PRPSAP1: variants seen among roughly 807,000 people sequenced by gnomAD.
PRPSAP1 encodes the protein phosphoribosyl pyrophosphate synthase-associated protein 1.
Under a neutral mutation model 39.4 loss-of-function variants are expected in PRPSAP1, and 31 were observed. The ratio of observed to expected loss-of-function variants is 0.79; its 90% CI spans 0.59 to 1.06. The LOEUF (loss-of-function observed/expected upper bound fraction) is 1.06. Ranked by LOEUF, PRPSAP1 falls within the 50% of genes least tolerant of loss-of-function variation. PRPSAP1 has a pLI of 0.00. For missense variants in PRPSAP1, 430 were observed against 511.6 expected, an observed-to-expected ratio of 0.84 and a Z score of 1.54; for synonymous variants, 212 against 192.6, an observed-to-expected ratio of 1.10 and a Z score of -0.83.
intron 7 of PRPSAP1, among the ~76,000 whole-genome samples, chr17:76,321,119 T>C (rs754906382): frequency 6.6e-6 from 1 of 152,148 alleles, no homozygotes; most frequent in East Asian, 1.9e-4. Flanking sequence ...GCTCGTTTCA[T>C]GTTTCTGTGT....
chr17:76,317,281 T>G (rs1040614000), intron 7 of PRPSAP1, among the ~76,000 whole-genome samples: 1 of 150,970 alleles, frequency 6.6e-6, no homozygotes, highest in Non-Finnish European at 1.5e-5. Flanking sequence ...GCCCGGGAGG[T>G]GGAGGTTGCA....
rs1041502944 is a variant in PRPSAP1 at position 76,313,701 on chromosome 17, GAGAA to G, written c.852+116_852+119del. ...CCACTTGGCACAAGGGAGTTTGGGT[GAGAA>G]AGGATACATGGATCCATTCGGATCA... On this transcript the variant is annotated intron_variant, in intron 8 of 9. Coordinates refer to ENST00000446526, the MANE Select transcript of PRPSAP1 (RefSeq NM_002766.3). 3.0e-5 allele frequency: 33 copies of G among 1,116,460 alleles called. No individual in the cohort carries two copies. In the Admixed American group the frequency reaches 5.7e-4, roughly 19 times the overall value. 69.2% of individuals were successfully genotyped at this position (1,116,460 alleles called of 1,614,324 possible). A position where few individuals can be genotyped will look rare whatever the true frequency, so the allele number is the denominator to read the frequency against.
At chr17:76,327,523 C>T (rs1041128232) in intron 7 of PRPSAP1, among the ~76,000 whole-genome samples, 73 of 151,322 alleles carry the variant, frequency 4.8e-4, no homozygotes, top group Admixed American at 4.2e-3. Flanking sequence ...CGTGTTGGCG[C>T]GCACCTATAG....
intron 7 of PRPSAP1, among the ~76,000 whole-genome samples, chr17:76,320,337 G>A (rs143625835): frequency 1.1e-5 from 1 of 93,248 alleles, no homozygotes; most frequent in African/African-American, 8.2e-5. Context: ...GGGAGGGAGG[G>A]AGGGAGGAAG....
intron 3 of PRPSAP1, among the ~76,000 whole-genome samples, chr17:76,339,999 C>A (rs2071418413): frequency 6.6e-6 from 1 of 151,330 alleles, no homozygotes; most frequent in South Asian, 2.1e-4. Context: ...TGCATGGTGG[C>A]ATGTGCCTGT....
chr17:76,344,805 C>T (rs1252943660), intron 2 of PRPSAP1, 68 bp from the exon 3 acceptor site: 8 of 1,271,910 alleles, frequency 6.3e-6, no homozygotes, highest in Non-Finnish European at 8.9e-6. Context: ...AAAAGAAAAA[C>T]AAAAGTACTT....
rs1200754210 is a variant in PRPSAP1, at chr17:76,309,498, C to T, written c.*2044G>A. ...ATGACTTCCCCATACAAGATTCTTC[C>T]CAAAAACGTATAAATAAAACTTCCT... On this transcript the variant is annotated 3_prime_UTR_variant, in exon 10 of 10. Coordinates refer to ENST00000446526, the MANE Select transcript of PRPSAP1 (RefSeq NM_002766.3). 6.6e-6 allele frequency: 1 copy of T among 152,052 alleles called. No homozygotes were observed. Among genetic ancestry groups the T allele is most frequent in the East Asian group, 1.9e-4 (1 of 5,200 alleles). The allele number at this position is 152,052 out of a possible 1,614,324, so 9.4% of individuals were successfully genotyped here. A position where few individuals can be genotyped will look rare whatever the true frequency, so the allele number is the denominator to read the frequency against.
At chr17:76,340,107 C>T (rs1053640154) in intron 3 of PRPSAP1, among the ~76,000 whole-genome samples, 1 of 146,230 alleles carries the variant, frequency 6.8e-6, no homozygotes, top group Non-Finnish European at 1.5e-5. Flanking sequence ...GATCGTGCCA[C>T]TGCACTCCAG....
In PRPSAP1 at chr17:76,345,237, T is replaced by TAAAAAAAAA. The variant is rs59693380; in HGVS notation, c.224-509_224-501dup. On this transcript the variant is annotated intron_variant, in intron 2 of 9. Coordinates refer to ENST00000446526, the MANE Select transcript of PRPSAP1 (RefSeq NM_002766.3). ...GTGACAGAGCAAGATTCCGTCTCAT[T>TAAAAAAAAA]AAAAAAAAAAAAAAAAAAGAGTTCT... Among the ~76,000 whole-genome samples, 256 of 62,168 alleles carry TAAAAAAAAA rather than the reference T, an allele frequency of 4.1e-3. 4 individuals are homozygous for TAAAAAAAAA. Among genetic ancestry groups the TAAAAAAAAA allele is most frequent in the African/African-American group, 0.013 (242 of 18,686 alleles). The allele number at this position is 62,168 out of a possible 152,430, so 40.8% of individuals were successfully genotyped here.
chr17:76,316,200 AAAAG>A (rs1031309102), intron 7 of PRPSAP1, among the ~76,000 whole-genome samples: 1 of 151,584 alleles, frequency 6.6e-6, no homozygotes, highest in Non-Finnish European at 1.5e-5. Flanking sequence ...AAGAAAAAAA[AAAAG>A]AAAGATTGCA....
At chr17:76,336,960 C>T (rs75204501) in intron 3 of PRPSAP1, among the ~76,000 whole-genome samples, 1,652 of 152,162 alleles carry the variant, frequency 0.011, 33 homozygotes, top group African/African-American at 0.038. Flanking sequence ...ACTAGCAGGG[C>T]GAAGGGAAAT....
intron 3 of PRPSAP1, among the ~76,000 whole-genome samples, chr17:76,337,755 G>A (rs930659038): frequency 6.6e-6 from 1 of 152,108 alleles, no homozygotes; most frequent in Non-Finnish European, 1.5e-5. Flanking sequence ...ACAGGCACCT[G>A]CCACCATGCC....
intron 7 of PRPSAP1, among the ~76,000 whole-genome samples, chr17:76,324,250 T>C (rs143268847): frequency 1.9e-4 from 29 of 152,180 alleles, no homozygotes; most frequent in African/African-American, 7.0e-4. Context: ...ACATGTGAGA[T>C]GTGCCATCCT....
intron 8 of PRPSAP1, chr17:76,313,274 A>C: frequency 2.8e-6 from 1 of 361,400 alleles, no homozygotes; most frequent in Non-Finnish European, 5.0e-6. Flanking sequence ...GCCAACACTC[A>C]TTTTCCTGTC....
Position 76,311,075 on chromosome 17 carries a change from A to G in PRPSAP1, c.*467T>C, listed in dbSNP as rs1335094704. ...GGCTGTAGGCATAACAATTTCTGAA[A>G]GAAAAATACGATTCTCTATAAAAGA... On this transcript the variant is annotated 3_prime_UTR_variant, in exon 10 of 10. Coordinates refer to ENST00000446526, the MANE Select transcript of PRPSAP1 (RefSeq NM_002766.3). The G allele has an allele frequency of 6.6e-6, 1 of 152,460 alleles. No homozygotes were observed. The highest frequency in any genetic ancestry group is 1.5e-5 in the Non-Finnish European group (1 of 68,220). The allele number at this position is 152,460 out of a possible 1,614,324, so 9.4% of individuals were successfully genotyped here.
intron 7 of PRPSAP1, among the ~76,000 whole-genome samples, chr17:76,320,345 A>G (rs868522153): frequency 1.5e-4 from 12 of 79,612 alleles, no homozygotes; most frequent in South Asian, 1.3e-3. Context: ...GGGAGGGAGG[A>G]AGGAAGGAAG....
chr17:76,318,010 G>A (rs906846454), intron 7 of PRPSAP1, among the ~76,000 whole-genome samples: 2 of 152,130 alleles, frequency 1.3e-5, no homozygotes, highest in African/African-American at 2.4e-5. Context: ...TCACACTGCA[G>A]GATGCTAAGC....
intron 3 of PRPSAP1, among the ~76,000 whole-genome samples, chr17:76,334,379 G>A (rs1270286774): frequency 1.3e-5 from 2 of 152,210 alleles, no homozygotes; most frequent in Non-Finnish European, 2.9e-5. Context: ...TGCTGAATAG[G>A]TGGCTGAATG....
intron 4 of PRPSAP1, among the ~76,000 whole-genome samples, chr17:76,331,443 GA>G (rs1271047777): frequency 1.3e-5 from 2 of 152,156 alleles, no homozygotes; most frequent in Non-Finnish European, 2.9e-5. Flanking sequence ...TGTCTGTACT[GA>G]GCAGGTATGA....
Sources: gnomAD v4.1 joint callset for allele counts (sites outside exome capture counted in the v4.1 genomes callset) on GRCh38, gnomAD v4.1.1 for gene constraint, MANE v1.5 for transcripts, NCBI Gene and HGNC (gene_info 2026-07-23, HGNC 2026-07-21) for gene names.